The following ATRNL1 variants were observed in gnomAD, a reference collection of about 807,000 sequenced individuals.
The protein encoded by ATRNL1 is attractin like 1.
Under a neutral mutation model 182.7 loss-of-function variants are expected in ATRNL1, and 95 were observed. The ratio of observed to expected loss-of-function variants is 0.52; its 90% confidence interval spans 0.44 to 0.62. The LOEUF is 0.62. Among genes scored for constraint, ATRNL1 ranks in the 20% least tolerant of loss-of-function variants. The pLI is 0.00. For synonymous variants in ATRNL1, 576 were observed against 568.3 expected, an observed-to-expected ratio of 1.01 and a Z score of -0.19; for missense variants, 1,471 against 1,679.5, an observed-to-expected ratio of 0.88 and a Z score of 2.17.
intron 12 of ATRNL1, among the ~76,000 whole-genome samples, chr10:115,267,393 AACCAC>A (rs1851652109): frequency 6.6e-6 from 1 of 151,744 alleles, no homozygotes; most frequent in South Asian, 2.1e-4. Flanking sequence ...ATTATTGCCA[AACCAC>A]ACCATAAAGT....
chr10:115,131,226 GTA>G (rs1271472857), intron 5 of ATRNL1, among the ~76,000 whole-genome samples: 1 of 152,020 alleles, frequency 6.6e-6, no homozygotes, highest in African/African-American at 2.4e-5. Context: ...CTGTGTGTGT[GTA>G]TGTGTGTGTG....
intron 21 of ATRNL1, among the ~76,000 whole-genome samples, chr10:115,430,020 G>A (rs535624058): frequency 2.6e-5 from 4 of 152,214 alleles, no homozygotes; most frequent in African/African-American, 9.6e-5. Flanking sequence ...GCAGTGAGCC[G>A]AGATCGCGCC....
At chr10:115,836,068 C>T (rs1950664657) in intron 27 of ATRNL1, among the ~76,000 whole-genome samples, 1 of 152,194 alleles carries the variant, frequency 6.6e-6, no homozygotes, top group African/African-American at 2.4e-5. Flanking sequence ...CGTATACTAC[C>T]TTTGCATTCT....
chr10:115,403,257 C>CT (rs59256867), intron 20 of ATRNL1, among the ~76,000 whole-genome samples: 1,207 of 107,422 alleles, frequency 0.011, 63 homozygotes, highest in African/African-American at 0.036. Flanking sequence ...TTACTCTCAT[C>CT]TTTTTTTTTT....
At chr10:115,300,768 T>A (rs546889426) in intron 16 of ATRNL1, among the ~76,000 whole-genome samples, 25 of 152,352 alleles carry the variant, frequency 1.6e-4, no homozygotes, top group African/African-American at 6.0e-4. Context: ...TAAATGTATT[T>A]TAATGCCAAT....
At chr10:115,649,180 C>T (rs1054033057) in intron 26 of ATRNL1, among the ~76,000 whole-genome samples, 8 of 152,118 alleles carry the variant, frequency 5.3e-5, no homozygotes, top group South Asian at 4.1e-4. Context: ...TTAAGAAATA[C>T]GTTATCATTT....
At chr10:115,649,316 C>T (rs2133876643) in intron 26 of ATRNL1, among the ~76,000 whole-genome samples, 1 of 152,236 alleles carries the variant, frequency 6.6e-6, no homozygotes, top group South Asian at 2.1e-4. Context: ...AATAAGGCCT[C>T]TGAAGGTCGT....
chr10:115,352,976 T>C (rs1446450088), intron 19 of ATRNL1, among the ~76,000 whole-genome samples: 1 of 152,208 alleles, frequency 6.6e-6, no homozygotes, highest in Non-Finnish European at 1.5e-5. Context: ...ACTATCTTCC[T>C]GGCCTAAGAG....
intron 17 of ATRNL1, among the ~76,000 whole-genome samples, chr10:115,309,232 A>T (rs1413808259): frequency 6.6e-6 from 1 of 151,766 alleles, no homozygotes; most frequent in Middle Eastern, 3.2e-3. Flanking sequence ...TGTTATTTTT[A>T]CTTAGGATTG....
intron 28 of ATRNL1, among the ~76,000 whole-genome samples, chr10:115,932,402 T>C (rs1395149740): frequency 6.6e-6 from 1 of 152,226 alleles, no homozygotes; most frequent in Non-Finnish European, 1.5e-5. Flanking sequence ...ATAAATTTGG[T>C]TACAGACATA....
chr10:115,102,474 C>T (rs956609132), intron 1 of ATRNL1, among the ~76,000 whole-genome samples: 1 of 152,014 alleles, frequency 6.6e-6, no homozygotes, highest in Non-Finnish European at 1.5e-5. Context: ...GATGGAGTCT[C>T]ACTCTGTTGC....
At chr10:115,355,984 T>C (rs1325703411) in intron 19 of ATRNL1, among the ~76,000 whole-genome samples, 2 of 152,088 alleles carry the variant, frequency 1.3e-5, no homozygotes, top group Non-Finnish European at 2.9e-5. Flanking sequence ...ACCTTATGTT[T>C]CTCTTTTTGG....
At chr10:115,567,872 T>C (rs782617893) in intron 26 of ATRNL1, among the ~76,000 whole-genome samples, 1 of 152,114 alleles carries the variant, frequency 6.6e-6, no homozygotes, top group Non-Finnish European at 1.5e-5. Context: ...AGTCACAATG[T>C]CTATGATCTC....
At position 115,400,894 on chromosome 10, in the gene ATRNL1, G is replaced by A. The variant is rs115376212; in HGVS notation, c.3269+6142G>A. Among the ~76,000 whole-genome samples, 849 of 151,812 alleles carry A rather than the reference G, an allele frequency of 5.6e-3. 9 individuals carry two copies. The highest frequency in any genetic ancestry group is 0.02 in the African/African-American group (818 of 41,416). The stretch of plus-strand genomic sequence containing the variant: ...ACCAACGGGTCTTGGATCTTTATTC[G>A]GTTTGCCTTTCTATGTCTTTTAATT... On this transcript the variant is annotated intron_variant, in intron 20 of 28. Coordinates refer to ENST00000355044, the MANE Select transcript of ATRNL1 (RefSeq NM_207303.4).
At chr10:115,102,655 G>C (rs1843824250) in intron 1 of ATRNL1, among the ~76,000 whole-genome samples, 1 of 152,128 alleles carries the variant, frequency 6.6e-6, no homozygotes, top group Non-Finnish European at 1.5e-5. Context: ...TGTTGGCCAG[G>C]CTGGTGGTCT....
chr10:115,758,393 G>A (rs1456284280), intron 27 of ATRNL1, among the ~76,000 whole-genome samples: 1 of 152,050 alleles, frequency 6.6e-6, no homozygotes, highest in Non-Finnish European at 1.5e-5. Flanking sequence ...CTCTGCTACA[G>A]GTCTGCTGGA....
At chr10:115,096,705 T>C in intron 1 of ATRNL1, 4 of 1,288,580 alleles carry the variant, frequency 3.1e-6, no homozygotes, top group Non-Finnish European at 3.0e-6. Flanking sequence ...AGATTGATAG[T>C]TGGGGGAAGA....
intron 27 of ATRNL1, among the ~76,000 whole-genome samples, chr10:115,815,660 A>G (rs894367788): frequency 6.6e-6 from 1 of 152,004 alleles, no homozygotes; most frequent in African/African-American, 2.4e-5. Flanking sequence ...TTTTTAATCT[A>G]TCTTTTCTCC....
chr10:115,223,189 G>A (rs1465444208), intron 9 of ATRNL1, among the ~76,000 whole-genome samples: 1 of 152,120 alleles, frequency 6.6e-6, no homozygotes, highest in Non-Finnish European at 1.5e-5. Flanking sequence ...GCTGAGGCAC[G>A]AGAATCACTT....
Sources: gnomAD v4.1 joint callset for allele counts (sites outside exome capture counted in the v4.1 genomes callset) on GRCh38, gnomAD v4.1.1 for gene constraint, MANE v1.5 for transcripts, NCBI Gene and HGNC (gene_info 2026-07-23, HGNC 2026-07-21) for gene names.